The following MAGI2 variants were observed in gnomAD, a reference collection of about 807,000 sequenced individuals.
The protein encoded by MAGI2 is membrane-associated guanylate kinase, WW and PDZ domain-containing protein 2.
Under a neutral mutation model 133.3 loss-of-function variants are expected in MAGI2, and 35 were observed. That is an observed-to-expected ratio of 0.26 (90% confidence interval 0.20 to 0.35). MAGI2 has a LOEUF of 0.35. Among genes scored for constraint, MAGI2 ranks in the 10% least tolerant of loss-of-function variants. MAGI2 has a pLI of 1.00. For synonymous variants in MAGI2, 729 were observed against 710.6 expected, an observed-to-expected ratio of 1.03 and a Z score of -0.41; for missense variants, 1,636 against 1,863.4, an observed-to-expected ratio of 0.88 and a Z score of 2.25.
rs1395404557 is a variant in MAGI2, at chr7:78,019,736, C to T, written c.3947G>A (p.Arg1316His). 2 of 1,609,446 alleles carry T rather than the reference C, an allele frequency of 1.2e-6. No individual in the cohort carries two copies. Among genetic ancestry groups the T allele is most frequent in the Non-Finnish European group, 8.5e-7 (1 of 1,179,064 alleles). ...CGCGGCCCTCTGCGGACTCGCCGAG[C>T]GCTCCCTCTGCTCCCCGAGGCGCTG... ...KKQRLGEQRERSASPQRAARP... is the reference protein window; with the variant it reads ...KKQRLGEQREHSASPQRAARP... The change falls in exon 22 of 22, where the codon CGC (arginine) becomes CAC (histidine). Residue 1316 changes from arginine (R) to histidine (H), a missense_variant. Transcript: ENST00000354212.
chr7:78,358,462 C>G (rs1792401754), intron 7 of MAGI2: 1 of 154,610 alleles, frequency 6.5e-6, no homozygotes, highest in African/African-American at 2.4e-5. Flanking sequence ...TGGCCTTCCT[C>G]TGCAAGCAGA....
At chr7:78,339,811 A>G (rs1236962454) in intron 9 of MAGI2, among the ~76,000 whole-genome samples, 2 of 152,212 alleles carry the variant, frequency 1.3e-5, no homozygotes, top group South Asian at 2.1e-4. Flanking sequence ...CATGACTTTT[A>G]TAACAGTAGC....
intron 1 of MAGI2, among the ~76,000 whole-genome samples, chr7:79,346,642 C>G (rs1841337814): frequency 6.6e-6 from 1 of 151,946 alleles, no homozygotes; most frequent in African/African-American, 2.4e-5. Flanking sequence ...AAAGTCTGTG[C>G]TTCTGGTAGT....
In MAGI2 at chr7:79,217,241, G is replaced by A. The variant is rs143002881; in HGVS notation, c.302-210035C>T. Among the ~76,000 whole-genome samples the A allele has an allele frequency of 5.3e-4, 80 of 151,952 alleles. No individual in the cohort carries two copies. In the East Asian group the frequency reaches 0.011, roughly 21 times the overall value. On this transcript the variant is annotated intron_variant, in intron 1 of 21. Coordinates refer to ENST00000354212, the MANE Select transcript of MAGI2 (RefSeq NM_012301.4). ...AAGGATAGAAAGATCAAATATTCTCGGAGTTTAATTTGTATATAATAGCAA... is the reference window on the plus strand; with the variant it reads ...AAGGATAGAAAGATCAAATATTCTCAGAGTTTAATTTGTATATAATAGCAA...
rs555625262 is a variant in MAGI2, at chr7:78,373,506, T to C, written c.1046-4293A>G. Among the ~76,000 whole-genome samples, 19 of 152,126 alleles carry C rather than the reference T, an allele frequency of 1.2e-4. 1 individual carries two copies. In the South Asian group the frequency reaches 3.9e-3, roughly 32 times the overall value. On this transcript the variant is annotated intron_variant, in intron 6 of 21. Transcript: ENST00000354212. ...TTTGTAATTTTTTAGAAGTCTAAAA[T>C]AGCATCAAAACGAAAACATGGAAAA...
In MAGI2 at chr7:79,339,470, T is replaced by G. The variant is rs201256559; in HGVS notation, c.301+113550A>C. Among the ~76,000 whole-genome samples, 1,056 of 135,710 alleles carry G rather than the reference T, an allele frequency of 7.8e-3. 12 individuals carry two copies. The highest frequency in any genetic ancestry group is 9.6e-3 in the Non-Finnish European group (596 of 61,874). The allele number at this position is 135,710 out of a possible 152,430, so 89.0% of individuals were successfully genotyped here. ...TTTGTTTGTTTTTGTTTTTGTTTTT[T>G]TTTTTTTTGAGGAATCACTAAAATT... is the stretch of plus-strand genomic sequence containing the variant. On this transcript the variant is annotated intron_variant, in intron 1 of 21. Coordinates refer to ENST00000354212, the MANE Select transcript of MAGI2 (RefSeq NM_012301.4).
At chr7:79,070,555 G>A (rs1048948648) in intron 1 of MAGI2, among the ~76,000 whole-genome samples, 5 of 151,424 alleles carry the variant, frequency 3.3e-5, no homozygotes, top group East Asian at 3.9e-4. Context: ...GCAGTGGCAC[G>A]ATCTCGGCTC....
At chr7:79,451,913 T>C (rs531592505) in intron 1 of MAGI2, among the ~76,000 whole-genome samples, 43 of 152,354 alleles carry the variant, frequency 2.8e-4, no homozygotes, top group South Asian at 2.7e-3. Context: ...TACTTTATTC[T>C]ACTTAAAGTT....
intron 2 of MAGI2, among the ~76,000 whole-genome samples, chr7:78,693,699 G>A (rs117682418): frequency 0.034 from 5,198 of 152,230 alleles, 110 homozygotes; most frequent in Middle Eastern, 0.092. Context: ...CAGGATGCTA[G>A]AACAGTGCTC....
chr7:78,843,887 T>C (rs973430875), intron 2 of MAGI2, among the ~76,000 whole-genome samples: 1 of 150,868 alleles, frequency 6.6e-6, no homozygotes, highest in Non-Finnish European at 1.5e-5. Context: ...TATTTCTATG[T>C]AAAAAATGCA....
chr7:78,640,971 A>G (rs995801098), intron 2 of MAGI2, among the ~76,000 whole-genome samples: 3 of 152,166 alleles, frequency 2.0e-5, no homozygotes, highest in African/African-American at 7.2e-5. Context: ...TTCAATCACA[A>G]GGGCAGTTTC....
At chr7:79,129,145 G>A (rs916405356) in intron 1 of MAGI2, among the ~76,000 whole-genome samples, 2 of 152,156 alleles carry the variant, frequency 1.3e-5, no homozygotes, top group African/African-American at 4.8e-5. Context: ...GGGATTACAG[G>A]CGTGAGCCAC....
At chr7:78,023,812 C>T (rs1036100653) in intron 21 of MAGI2, among the ~76,000 whole-genome samples, 1 of 152,074 alleles carries the variant, frequency 6.6e-6, no homozygotes, top group African/African-American at 2.4e-5. Context: ...CAAATTCAAC[C>T]AAATGAGGAT....
At chr7:78,048,010 A>C (rs1244586885) in intron 21 of MAGI2, among the ~76,000 whole-genome samples, 1 of 152,170 alleles carries the variant, frequency 6.6e-6, no homozygotes, top group African/African-American at 2.4e-5. Context: ...TTACTTGCTG[A>C]TAGGATTGTG....
At chr7:78,703,790 T>C (rs1002068885) in intron 2 of MAGI2, among the ~76,000 whole-genome samples, 2 of 149,960 alleles carry the variant, frequency 1.3e-5, no homozygotes, top group Non-Finnish European at 3.0e-5. Flanking sequence ...TCACATTAAA[T>C]GGAATATGTG....
chr7:78,021,461 C>T (rs1395114048), intron 21 of MAGI2, among the ~76,000 whole-genome samples: 1 of 152,186 alleles, frequency 6.6e-6, no homozygotes, highest in Non-Finnish European at 1.5e-5. Flanking sequence ...GTCAGTGATA[C>T]TTGTGCATAC....
rs189954014 is a variant in MAGI2, at chr7:78,762,343, T to G, written c.419-135104A>C. ...CTGTAATCCCAGTTACTCAGGAGGC[T>G]GAGGCAAGAGAATTGCTTTAACCTG... On this transcript the variant is annotated intron_variant, in intron 2 of 21. Transcript: ENST00000354212. 7.9e-5 allele frequency among the ~76,000 whole-genome samples: 12 copies of G among 152,226 alleles called. 1 individual carries two copies. In the East Asian group the frequency reaches 2.3e-3, roughly 29 times the overall value.
chr7:78,572,343 A>G (rs1801587189), intron 3 of MAGI2, among the ~76,000 whole-genome samples: 1 of 152,070 alleles, frequency 6.6e-6, no homozygotes, highest in African/African-American at 2.4e-5. Context: ...CAAATTTAAC[A>G]CTCTCATCAA....
At chr7:78,629,815 A>C (rs1013056815) in intron 2 of MAGI2, among the ~76,000 whole-genome samples, 2 of 152,106 alleles carry the variant, frequency 1.3e-5, no homozygotes, top group African/African-American at 4.8e-5. Flanking sequence ...GTAAAGAGAC[A>C]ATCTGAAACC....
Sources: gnomAD v4.1 joint callset for allele counts (sites outside exome capture counted in the v4.1 genomes callset) on GRCh38, gnomAD v4.1.1 for gene constraint, MANE v1.5 for transcripts, NCBI Gene and HGNC (gene_info 2026-07-23, HGNC 2026-07-21) for gene names.